Variants in SLBP observed in about 807,000 individuals in gnomAD.
SLBP encodes stem-loop histone mRNA binding protein, also known as histone RNA hairpin-binding protein.
A neutral mutation model predicts 39.2 loss-of-function variants in SLBP; 29 were observed. The ratio of observed to expected loss-of-function variants is 0.74; its 90% CI spans 0.55 to 1.01. The LOEUF (loss-of-function observed/expected upper bound fraction) is 1.01. Ranked by LOEUF, SLBP falls within the 50% of genes least tolerant of loss-of-function variation. The probability of loss-of-function intolerance (pLI) is 0.00; values close to 1 mark genes in which losing one functional copy is unlikely to be tolerated. For synonymous variants in SLBP, 129 were observed against 118.7 expected, an observed-to-expected ratio of 1.09 and a Z score of -0.57; for missense variants, 390 against 350.2, an observed-to-expected ratio of 1.11 and a Z score of -0.91.
chr4:1,711,482 G>C (rs1440046017), intron 2 of SLBP, among the ~76,000 whole-genome samples: 1 of 152,030 alleles, frequency 6.6e-6, no homozygotes, highest in Non-Finnish European at 1.5e-5. Context: ...CACCCTCCCT[G>C]CACACTGCCT....
chr4:1,695,174 T>C (rs1004252722), intron 6 of SLBP, among the ~76,000 whole-genome samples: 1 of 152,294 alleles, frequency 6.6e-6, no homozygotes, highest in East Asian at 1.9e-4. Context: ...CACTAATTTT[T>C]CCAAGTTTCT....
At chr4:1,699,764 AGCC>A (rs1716256305) in intron 4 of SLBP, 63 bp from the exon 5 acceptor site, 2 of 1,492,874 alleles carry the variant, frequency 1.3e-6, no homozygotes, top group Non-Finnish European at 1.8e-6. Flanking sequence ...ATGTAAGGTA[AGCC>A]AAGAAAATGT....
intron 4 of SLBP, 54 bp from the exon 5 acceptor site, chr4:1,699,755 TGTAAG>T: frequency 6.4e-7 from 1 of 1,550,606 alleles, no homozygotes; most frequent in Non-Finnish European, 8.8e-7. Flanking sequence ...TCACCATGTA[TGTAAG>T]GTAAGCCAAG....
chr4:1,703,152 G>A (rs1490439900), intron 3 of SLBP, among the ~76,000 whole-genome samples: 1 of 151,200 alleles, frequency 6.6e-6, no homozygotes, highest in Non-Finnish European at 1.5e-5. Context: ...CAAGAGAATC[G>A]CTTGAACCCG....
intron 2 of SLBP, among the ~76,000 whole-genome samples, chr4:1,706,957 C>A (rs570035291): frequency 6.7e-6 from 1 of 150,304 alleles, no homozygotes; most frequent in African/African-American, 2.4e-5. Context: ...CAGTGGCTCA[C>A]GCCTGTAATC....
Position 1,711,941 on chromosome 4 carries a change from C to G in SLBP, c.109G>C (p.Gly37Arg), listed in dbSNP as rs1193630111. The G allele has an allele frequency of 3.0e-6, 4 of 1,344,506 alleles. No individual in the cohort carries two copies. Among genetic ancestry groups the G allele is most frequent in the South Asian group, 1.8e-5 (1 of 56,268 alleles). The allele number at this position is 1,344,506 out of a possible 1,614,324, so 83.3% of individuals were successfully genotyped here. A position where few individuals can be genotyped will look rare whatever the true frequency, so the allele number is the denominator to read the frequency against. ...WSLGRKRRAD[G>R]RRWRPEDAEE... ...GCGTCTTCGGGCCTCCAGCGCCTGC[C>G]GTCGGCTCTGCGCTTCCGTCCCAGG... The change falls in exon 2 of 8, where the codon GGC becomes CGC. Residue 37 changes from glycine (G) to arginine (R), a missense_variant. By Grantham distance (125) the Gly-to-Arg change is moderately radical. Transcript: ENST00000489418.
intron 3 of SLBP, among the ~76,000 whole-genome samples, chr4:1,701,146 C>CTTTTTTTTT (rs369039404): frequency 2.5e-4 from 31 of 123,666 alleles, no homozygotes; most frequent in South Asian, 5.2e-4. Flanking sequence ...TCTTTTTTTT[C>CTTTTTTTTT]TTTTTTTTTT....
chr4:1,708,158 A>G (rs546040784), intron 2 of SLBP, among the ~76,000 whole-genome samples: 13 of 152,042 alleles, frequency 8.6e-5, no homozygotes, highest in Non-Finnish European at 8.8e-5. Flanking sequence ...AGGCTGAAGC[A>G]GGAGAACTGC....
chr4:1,696,326 GATGA>G lies in SLBP; in HGVS notation c.501_504del (p.His168ProfsTer45). On this transcript the variant is annotated frameshift_variant, in exon 6 of 8. Transcript: ENST00000489418. LOFTEE classifies it high-confidence loss of function. The stretch of plus-strand genomic sequence containing the variant: ...TTCTTAAATTTATTAGGGGTCTTGG[GATGA>G]ATGCCAGGTTGTCGAAGGTGTCTAC... 1 of 1,591,462 alleles carries G rather than the reference GATGA, an allele frequency of 6.3e-7. No individual in the cohort carries two copies. The highest frequency in any genetic ancestry group is 8.5e-7 in the Non-Finnish European group (1 of 1,169,736).
intron 6 of SLBP, among the ~76,000 whole-genome samples, chr4:1,695,319 ACT>A (rs1252824084): frequency 2.6e-5 from 4 of 151,984 alleles, no homozygotes; most frequent in African/African-American, 9.7e-5. Context: ...CAGAGGAGAA[ACT>A]CTAATTGTTT....
At chr4:1,700,925 C>T (rs1311681352) in intron 3 of SLBP, among the ~76,000 whole-genome samples, 3 of 151,932 alleles carry the variant, frequency 2.0e-5, no homozygotes, top group Admixed American at 1.3e-4. Flanking sequence ...ATCTAAAATC[C>T]ACCCAAGTTT....
intron 3 of SLBP, among the ~76,000 whole-genome samples, chr4:1,701,906 CA>C (rs1450323193): frequency 6.6e-6 from 1 of 151,944 alleles, no homozygotes; most frequent in Admixed American, 6.6e-5. Flanking sequence ...GACTCCATCT[CA>C]AAAAAATAAG....
chr4:1,704,723 G>A (rs1716454012), intron 2 of SLBP, among the ~76,000 whole-genome samples: 1 of 152,060 alleles, frequency 6.6e-6, no homozygotes, highest in Non-Finnish European at 1.5e-5. Flanking sequence ...ATCTCAGGTG[G>A]GTGTTTCCGC....
intron 5 of SLBP, 30 bp downstream of exon 5, chr4:1,699,534 G>A (rs1258964716): frequency 6.2e-7 from 1 of 1,612,460 alleles, no homozygotes; most frequent in Non-Finnish European, 8.5e-7. Flanking sequence ...CACACAGCTT[G>A]TTCAAGACAT....
chr4:1,694,987 A>G, intron 6 of SLBP, 147 bp from the exon 7 acceptor site: 2 of 645,222 alleles, frequency 3.1e-6, no homozygotes, highest in South Asian at 3.4e-5. Context: ...TTCAGTGACT[A>G]TTTGACAGAC....
chr4:1,703,167 G>A (rs1270087581), intron 3 of SLBP, among the ~76,000 whole-genome samples: 1 of 151,148 alleles, frequency 6.6e-6, no homozygotes, highest in Non-Finnish European at 1.5e-5. Context: ...AACCCGGGAG[G>A]CAGAGGTTGC....
intron 3 of SLBP, among the ~76,000 whole-genome samples, chr4:1,703,250 A>AAG (rs1553819731): frequency 0.33 from 46,897 of 142,580 alleles, 8,655 homozygotes; most frequent in Non-Finnish European, 0.43. Flanking sequence ...AAAAAAAAAA[A>AAG]AAAGAAAGTT....
chr4:1,695,345 G>A (rs1716067693), intron 6 of SLBP, among the ~76,000 whole-genome samples: 1 of 152,216 alleles, frequency 6.6e-6, no homozygotes, highest in African/African-American at 2.4e-5. Context: ...TAAAGAATGT[G>A]TCTGAGGAAG....
chr4:1,694,393 TTTC>T (rs1166007083), intron 7 of SLBP, among the ~76,000 whole-genome samples: 2 of 149,940 alleles, frequency 1.3e-5, no homozygotes, highest in Non-Finnish European at 3.0e-5. Flanking sequence ...CATGGTTTTC[TTTC>T]TTTTTTTTTT....
Sources: gnomAD v4.1 joint callset for allele counts (sites outside exome capture counted in the v4.1 genomes callset) on GRCh38, gnomAD v4.1.1 for gene constraint, MANE v1.5 for transcripts, NCBI Gene and HGNC (gene_info 2026-07-23, HGNC 2026-07-21) for gene names.